Variants in COX10 observed in about 807,000 individuals in gnomAD.
COX10 encodes cytochrome c oxidase assembly factor heme A:farnesyltransferase COX10.
In COX10, 27 loss-of-function variants were observed where a neutral mutation model predicts 37.3. The ratio of observed to expected loss-of-function variants is 0.72; its 90% CI spans 0.53 to 1.00. The LOEUF (loss-of-function observed/expected upper bound fraction) is 1.00, where lower values mean the gene tolerates loss of function less well. COX10 is among the 50% of genes least tolerant of loss of function. The pLI is 0.00. For missense variants in COX10, 475 were observed against 563.2 expected (o/e 0.84, Z 1.59); for synonymous variants, 222 against 229.1 (o/e 0.97, Z 0.28).
At chr17:14,101,711 T>C (rs1915786904) in intron 3 of COX10, among the ~76,000 whole-genome samples, 1 of 152,204 alleles carries the variant, frequency 6.6e-6, no homozygotes, top group Non-Finnish European at 1.5e-5. Context: ...TGCTGTCTTG[T>C]GTTACAGTTA....
At chr17:14,161,980 C>G (rs1278961347) in intron 5 of COX10, among the ~76,000 whole-genome samples, 1 of 152,178 alleles carries the variant, frequency 6.6e-6, no homozygotes, top group African/African-American at 2.4e-5. Flanking sequence ...AGATTTGCCA[C>G]TGGGGAAGCC....
chr17:14,153,023 C>T (rs529893813), intron 4 of COX10, among the ~76,000 whole-genome samples: 36 of 152,304 alleles, frequency 2.4e-4, no homozygotes, highest in African/African-American at 6.5e-4. Flanking sequence ...TCATTTCCAA[C>T]GTCCACATCT....
At chr17:14,074,206 C>T in intron 1 of COX10, 117 bp from the exon 2 acceptor site, 2 of 1,039,198 alleles carry the variant, frequency 1.9e-6, no homozygotes, top group East Asian at 2.4e-5. Flanking sequence ...AGCTCTGACC[C>T]ATCACACAGT....
intron 4 of COX10, among the ~76,000 whole-genome samples, chr17:14,114,198 C>T (rs888309446): frequency 2.0e-5 from 3 of 152,074 alleles, no homozygotes; most frequent in East Asian, 1.9e-4. Flanking sequence ...ACAGTTCACA[C>T]GTACATTAAG....
chr17:14,112,475 T>C (rs1916024197), intron 4 of COX10, among the ~76,000 whole-genome samples: 1 of 152,176 alleles, frequency 6.6e-6, no homozygotes, highest in Non-Finnish European at 1.5e-5. Flanking sequence ...TCCATGTATA[T>C]GTATTGATTA....
intron 4 of COX10, among the ~76,000 whole-genome samples, chr17:14,116,013 A>AT: frequency 6.6e-6 from 1 of 152,316 alleles, no homozygotes; most frequent in South Asian, 2.1e-4. Flanking sequence ...CCATACATTT[A>AT]TTTTTAAAAA....
At chr17:14,095,850 C>T (rs1239613312) in intron 3 of COX10, among the ~76,000 whole-genome samples, 1 of 152,188 alleles carries the variant, frequency 6.6e-6, no homozygotes, top group Non-Finnish European at 1.5e-5. Context: ...TTGCTTTGCC[C>T]TTGTAAGTAC....
intron 4 of COX10, among the ~76,000 whole-genome samples, chr17:14,127,500 A>G (rs1490357017): frequency 6.6e-6 from 1 of 152,178 alleles, no homozygotes; most frequent in Non-Finnish European, 1.5e-5. Flanking sequence ...TAAGCCAGTC[A>G]GTTTAAATAT....
intron 4 of COX10, among the ~76,000 whole-genome samples, chr17:14,156,113 C>T (rs1905035102): frequency 6.6e-6 from 1 of 152,100 alleles, no homozygotes; most frequent in Non-Finnish European, 1.5e-5. Flanking sequence ...GGCATCATGC[C>T]TTATGTACAT....
Position 14,074,346 on chromosome 17 carries a change from T to C in COX10, c.67T>C (p.Tyr23His). 1 of 1,614,142 alleles carries C rather than the reference T, an allele frequency of 6.2e-7. No homozygotes were observed. Among genetic ancestry groups the C allele is most frequent in the Non-Finnish European group, 8.5e-7 (1 of 1,179,992 alleles). The change falls in exon 2 of 7, where the codon TAT becomes CAT. Residue 23 changes from tyrosine (Y) to histidine (H), a missense_variant. Tyr to His is a moderately conservative substitution (Grantham distance 83, BLOSUM62 2). Coordinates refer to ENST00000261643, the MANE Select transcript of COX10 (RefSeq NM_001303.4). Reference sequence around the variant, plus strand: ...AGGTTGCGTAGGAGGCTCTGTCTGGTATCTTGAAAGAAGAACTATACAGGA... The same window carrying C: ...AGGTTGCGTAGGAGGCTCTGTCTGGCATCTTGAAAGAAGAACTATACAGGA... ...LTGCVGGSVW[Y>H]LERRTIQDSP...
intron 5 of COX10, among the ~76,000 whole-genome samples, 188 bp downstream of exon 5, chr17:14,160,135 A>G (rs1905142700): frequency 6.6e-6 from 1 of 152,184 alleles, no homozygotes; most frequent in African/African-American, 2.4e-5. Context: ...CTTAAGATGG[A>G]TGTAAGAGTG....
chr17:14,192,968 T>C (rs1906255849), intron 6 of COX10, among the ~76,000 whole-genome samples: 1 of 152,156 alleles, frequency 6.6e-6, no homozygotes, highest in Admixed American at 6.5e-5. Context: ...AAGCCACATT[T>C]CTGAAACTTT....
intron 4 of COX10, among the ~76,000 whole-genome samples, chr17:14,117,905 A>T (rs1916148588): frequency 6.6e-6 from 1 of 151,984 alleles, no homozygotes; most frequent in African/African-American, 2.4e-5. Context: ...TGGGTGGTGG[A>T]GGTAGCTGTC....
rs1039350480 is a variant in COX10, at chr17:14,069,553, C to G, written c.-53C>G. The G allele has an allele frequency of 4.1e-5, 66 of 1,605,974 alleles. No individual in the cohort carries two copies. The highest frequency in any genetic ancestry group is 3.7e-4 in the Admixed American group (22 of 59,760). ...AGGAAGATGGCGGCGCCCAGCGTCC[C>G]GTGAGGAGAGAGGACACAGGGATCC... On this transcript the variant is annotated 5_prime_UTR_variant, in exon 1 of 7. Transcript: ENST00000261643.
chr17:14,113,188 A>G (rs991060658), intron 4 of COX10, among the ~76,000 whole-genome samples: 3 of 152,160 alleles, frequency 2.0e-5, no homozygotes, highest in Non-Finnish European at 2.9e-5. Flanking sequence ...TGACCTAGTC[A>G]TGCTCCTCTG....
chr17:14,115,379 T>C (rs753617094), intron 4 of COX10, among the ~76,000 whole-genome samples: 3 of 152,042 alleles, frequency 2.0e-5, no homozygotes, highest in Admixed American at 6.6e-5. Context: ...AGACAAGAAA[T>C]AACAGATGTT....
At chr17:14,129,857 A>G (rs1916425924) in intron 4 of COX10, among the ~76,000 whole-genome samples, 1 of 152,176 alleles carries the variant, frequency 6.6e-6, no homozygotes, top group South Asian at 2.1e-4. Flanking sequence ...CTATTGAGGA[A>G]TCAGATTGCA....
chr17:14,134,313 GT>G (rs1199366708), intron 4 of COX10, among the ~76,000 whole-genome samples: 2 of 151,762 alleles, frequency 1.3e-5, no homozygotes, highest in African/African-American at 4.8e-5. Context: ...CTTAAAGAAT[GT>G]GAAGAGATAA....
At chr17:14,115,407 A>T (rs1916088371) in intron 4 of COX10, among the ~76,000 whole-genome samples, 1 of 152,160 alleles carries the variant, frequency 6.6e-6, no homozygotes, top group South Asian at 2.1e-4. Flanking sequence ...ATGCAGAGAA[A>T]AGGGAACTCA....
Sources: gnomAD v4.1 joint callset for allele counts (sites outside exome capture counted in the v4.1 genomes callset) on GRCh38, gnomAD v4.1.1 for gene constraint, MANE v1.5 for transcripts, NCBI Gene and HGNC (gene_info 2026-07-23, HGNC 2026-07-21) for gene names.